The following ARMC9 variants were observed in gnomAD, a reference collection of about 807,000 sequenced individuals.
ARMC9 encodes the protein lisH domain-containing protein ARMC9.
Under a neutral mutation model 107.0 loss-of-function variants are expected in ARMC9, and 94 were observed. The observed-to-expected ratio is 0.88, with a 90% CI of 0.74 to 1.04. The LOEUF (loss-of-function observed/expected upper bound fraction) is 1.04, where lower values mean the gene tolerates loss of function less well. ARMC9 is among the 50% of genes least tolerant of loss of function. The pLI, the probability that ARMC9 is intolerant of heterozygous loss-of-function variation, is 0.00. For missense variants in ARMC9, 942 were observed against 1,030.1 expected (o/e 0.91, Z 1.17); for synonymous variants, 380 against 396.9 (o/e 0.96, Z 0.51).
At position 231,355,882 on chromosome 2, in the gene ARMC9, T is replaced by A; in HGVS notation, c.2079T>A (p.Ala693=). Reference sequence around the variant, plus strand: ...AGGCCCTGCCAGCCGCTCACGAGGCTGTCTACAGGGAGGGCAAGCCCAGCA... The same window carrying A: ...AGGCCCTGCCAGCCGCTCACGAGGCAGTCTACAGGGAGGGCAAGCCCAGCA... The part of the protein sequence containing the change: ...HPQALPAAHE[A]VYREGKPSTP... The change falls in exon 22 of 25, where the codon GCT becomes GCA. Residue 693 remains alanine (A), a synonymous_variant. Coordinates refer to ENST00000611582, the MANE Select transcript of ARMC9 (RefSeq NM_001352754.2). 2.0e-6 allele frequency: 3 copies of A among 1,536,110 alleles called. No homozygotes were observed. Among genetic ancestry groups the A allele is most frequent in the Non-Finnish European group, 2.6e-6 (3 of 1,146,904 alleles).
chr2:231,351,340 T>C (rs2045070860), intron 21 of ARMC9, among the ~76,000 whole-genome samples: 1 of 152,036 alleles, frequency 6.6e-6, no homozygotes, highest in Non-Finnish European at 1.5e-5. Flanking sequence ...TGCAGCAAAG[T>C]CACTCAGCTT....
intron 20 of ARMC9, among the ~76,000 whole-genome samples, chr2:231,333,663 A>T (rs6747710): frequency 0.12 from 17,665 of 152,232 alleles, 3,464 homozygotes; most frequent in African/African-American, 0.4. Context: ...TTTCACAGGC[A>T]GGCGGTGAGG....
intron 1 of ARMC9, among the ~76,000 whole-genome samples, chr2:231,204,440 T>C (rs570387223): frequency 2.0e-4 from 30 of 152,280 alleles, no homozygotes; most frequent in Middle Eastern, 3.4e-3. Context: ...GCTCAATCTT[T>C]GCTGAAATGT....
chr2:231,291,730 G>A (rs2041008874), intron 18 of ARMC9, among the ~76,000 whole-genome samples: 1 of 151,426 alleles, frequency 6.6e-6, no homozygotes, highest in Non-Finnish European at 1.5e-5. Context: ...CAGGAGAATC[G>A]CTTGAACCCA....
intron 19 of ARMC9, among the ~76,000 whole-genome samples, chr2:231,305,254 C>T (rs865790210): frequency 2.0e-5 from 3 of 152,218 alleles, no homozygotes; most frequent in Non-Finnish European, 4.4e-5. Context: ...AGTTTGAGAT[C>T]GCTGCCTTGG....
chr2:231,316,596 C>T (rs1283649894), intron 19 of ARMC9, among the ~76,000 whole-genome samples: 2 of 148,010 alleles, frequency 1.4e-5, no homozygotes, highest in African/African-American at 2.5e-5. Flanking sequence ...TGAATTGAGG[C>T]GGAGGTTGCA....
intron 16 of ARMC9, among the ~76,000 whole-genome samples, chr2:231,279,833 C>G (rs1473612016): frequency 6.6e-6 from 1 of 152,106 alleles, no homozygotes; most frequent in Non-Finnish European, 1.5e-5. Flanking sequence ...TTCAAGCAGA[C>G]AGCTCCCATT....
At chr2:231,214,721 C>G (rs1381883484) in intron 3 of ARMC9, 110 bp from the exon 4 acceptor site, 3 of 1,159,304 alleles carry the variant, frequency 2.6e-6, no homozygotes, top group Non-Finnish European at 3.7e-6. Flanking sequence ...TTTTTCTATC[C>G]TTTACCACTG....
At chr2:231,334,201 G>C (rs993849651) in intron 20 of ARMC9, among the ~76,000 whole-genome samples, 2 of 152,228 alleles carry the variant, frequency 1.3e-5, no homozygotes, top group African/African-American at 4.8e-5. Flanking sequence ...GTACAATTTG[G>C]TATTTCCCGT....
intron 12 of ARMC9, among the ~76,000 whole-genome samples, chr2:231,267,684 A>C (rs1224063750): frequency 6.6e-6 from 1 of 152,218 alleles, no homozygotes; most frequent in Non-Finnish European, 1.5e-5. Flanking sequence ...ACAGCAGGGC[A>C]TGGAAGGGGG....
At chr2:231,302,437 GTTTT>G (rs56032700) in intron 19 of ARMC9, among the ~76,000 whole-genome samples, 3 of 58,074 alleles carry the variant, frequency 5.2e-5, no homozygotes, top group Non-Finnish European at 1.0e-4. Flanking sequence ...TTGTGGGTTT[GTTTT>G]TTTTTTTTTT....
chr2:231,270,165 G>C (rs1208692565), intron 12 of ARMC9, among the ~76,000 whole-genome samples: 1 of 152,166 alleles, frequency 6.6e-6, no homozygotes, highest in Admixed American at 6.5e-5. Context: ...AGGGTCCTGG[G>C]AGCCAAGTTT....
chr2:231,339,146 G>A (rs181698634), intron 20 of ARMC9, among the ~76,000 whole-genome samples: 2 of 152,198 alleles, frequency 1.3e-5, no homozygotes, highest in East Asian at 1.9e-4. Context: ...TGGCCAACAT[G>A]GTGAAACTCC....
chr2:231,235,329 G>C lies in ARMC9; in HGVS notation c.728G>C (p.Gly243Ala). Reference sequence around the variant, plus strand: ...CAGGCCGACTACCACAATCTCATTGGAGTCACAGCAGAGCTGGTGGATTCT... The same window carrying C: ...CAGGCCGACTACCACAATCTCATTGCAGTCACAGCAGAGCTGGTGGATTCT... The part of the protein sequence containing the change: ...KIQADYHNLI[G>A]VTAELVDSLE... Residue 243 changes from glycine (G) to alanine (A), a missense_variant, in exon 8 of 25, where the codon GGA becomes GCA. Physicochemically the swap from Gly to Ala is moderately conservative, Grantham distance 60. Coordinates refer to ENST00000611582, the MANE Select transcript of ARMC9 (RefSeq NM_001352754.2). The C allele has an allele frequency of 6.2e-7, 1 of 1,614,226 alleles. No individual in the cohort carries two copies. The highest frequency in any genetic ancestry group is 8.5e-7 in the Non-Finnish European group (1 of 1,180,040).
intron 17 of ARMC9, among the ~76,000 whole-genome samples, chr2:231,283,087 A>G (rs2040334488): frequency 6.6e-6 from 1 of 152,080 alleles, no homozygotes; most frequent in African/African-American, 2.4e-5. Context: ...GAAGCTGAGG[A>G]TGGGGCCATG....
At chr2:231,279,718 G>T (rs1050511172) in intron 16 of ARMC9, among the ~76,000 whole-genome samples, 4 of 151,744 alleles carry the variant, frequency 2.6e-5, no homozygotes, top group Non-Finnish European at 5.9e-5. Context: ...CACCATGTTG[G>T]CCAGGCTGGT....
intron 18 of ARMC9, among the ~76,000 whole-genome samples, chr2:231,293,242 G>A (rs140547918): frequency 6.8e-4 from 103 of 152,146 alleles, no homozygotes; most frequent in African/African-American, 2.4e-3. Flanking sequence ...CCTCATTCTG[G>A]CATATTGAAA....
intron 1 of ARMC9, among the ~76,000 whole-genome samples, chr2:231,202,085 C>G (rs941762340): frequency 5.3e-5 from 8 of 151,708 alleles, no homozygotes; most frequent in Admixed American, 5.3e-4. Context: ...TTGCAACCTC[C>G]ACTTCCTGGG....
chr2:231,311,574 A>G (rs1398361708), intron 19 of ARMC9, among the ~76,000 whole-genome samples: 3 of 152,114 alleles, frequency 2.0e-5, no homozygotes, highest in African/African-American at 4.8e-5. Context: ...GTTCGAGACC[A>G]GCCTGGCCAA....
Sources: allele counts gnomAD v4.1 joint callset (sites outside exome capture counted in the v4.1 genomes callset), GRCh38; gene constraint gnomAD v4.1.1; transcripts MANE v1.5; gene names NCBI Gene and HGNC (gene_info 2026-07-23, HGNC 2026-07-21).